Variants in FDFT1 observed in about 807,000 individuals in gnomAD.
FDFT1 encodes squalene synthase.
Under a neutral mutation model 46.8 loss-of-function variants are expected in FDFT1, and 68 were observed. That is an observed-to-expected ratio of 1.45 (90% CI 1.19 to 1.78). The LOEUF is 1.78. Among genes scored for constraint, FDFT1 ranks in the 40% most tolerant of loss-of-function variants. The pLI, the probability that FDFT1 is intolerant of heterozygous loss-of-function variation, is 0.00. For synonymous variants in FDFT1, 351 were observed against 185.1 expected, an observed-to-expected ratio of 1.90 and a Z score of -7.28; for missense variants, 928 against 524.4, an observed-to-expected ratio of 1.77 and a Z score of -7.52.
chr8:11,810,207 A>AGT (rs1400740386), intron 3 of FDFT1, among the ~76,000 whole-genome samples: 1 of 152,226 alleles, frequency 6.6e-6, no homozygotes, highest in Non-Finnish European at 1.5e-5. Context: ...CAGTATTGGA[A>AGT]GTCCAGTGTT....
intron 3 of FDFT1, among the ~76,000 whole-genome samples, chr8:11,813,593 G>C (rs1808027916): frequency 6.6e-6 from 1 of 152,192 alleles, no homozygotes; most frequent in South Asian, 2.1e-4. Flanking sequence ...CTTGTGCTGA[G>C]TCACTCGCAT....
chr8:11,808,468 A>T (rs1285384734), intron 1 of FDFT1: 49 of 1,286,738 alleles, frequency 3.8e-5, no homozygotes, highest in Non-Finnish European at 4.7e-5. Context: ...GGCGCTTCCC[A>T]GATCTGCTTG....
At chr8:11,796,254 A>AGTGACTGGACT (rs1235771199) in intron 1 of FDFT1, among the ~76,000 whole-genome samples, 1 of 152,204 alleles carries the variant, frequency 6.6e-6, no homozygotes, top group East Asian at 1.9e-4. Flanking sequence ...ATGGGGGTTA[A>AGTGACTGGACT]GTGACTGGAC....
At chr8:11,804,701 G>T (rs1280563206) in intron 1 of FDFT1, among the ~76,000 whole-genome samples, 1 of 145,840 alleles carries the variant, frequency 6.9e-6, no homozygotes, top group East Asian at 2.1e-4. Context: ...CCGCCTCCTG[G>T]GTTCAAGCAA....
rs1181685127 is a variant in FDFT1 at position 11,838,862 on chromosome 8, C to G, written c.*253C>G. 4 of 500,028 alleles carry G rather than the reference C, an allele frequency of 8.0e-6. No homozygotes were observed. The highest frequency in any genetic ancestry group is 2.1e-5 in the South Asian group (1 of 47,520). 31.0% of individuals were successfully genotyped at this position (500,028 alleles called of 1,614,324 possible). A position where few individuals can be genotyped will look rare whatever the true frequency, so the allele number is the denominator to read the frequency against. On this transcript the variant is annotated 3_prime_UTR_variant, in exon 8 of 8. Transcript: ENST00000220584. Reference sequence around the variant, plus strand: ...TGCTTGTGGCTCATGGCAGAGCATTCAGTGCCACGGTTTAGGTGAAGTCGC... The same window carrying G: ...TGCTTGTGGCTCATGGCAGAGCATTGAGTGCCACGGTTTAGGTGAAGTCGC...
rs1445457578 is a variant in FDFT1 at position 11,839,037 on chromosome 8, T to C, written c.*428T>C. On this transcript the variant is annotated 3_prime_UTR_variant, in exon 8 of 8. Coordinates refer to ENST00000220584, the MANE Select transcript of FDFT1 (RefSeq NM_004462.5). ...TGTTCGGCTCCTATTTTTCTCATCA[T>C]TTTGTTTTCTTTAATTGGGTTGAAT... The C allele has an allele frequency of 5.7e-6, 1 of 174,306 alleles. No homozygotes were observed. The highest frequency in any genetic ancestry group is 1.2e-5 in the Non-Finnish European group (1 of 80,550). The allele number at this position is 174,306 out of a possible 1,614,324, so 10.8% of individuals were successfully genotyped here.
At chr8:11,829,839 T>G (rs564680992) in intron 5 of FDFT1, among the ~76,000 whole-genome samples, 17 of 152,032 alleles carry the variant, frequency 1.1e-4, no homozygotes, top group African/African-American at 2.2e-4. Context: ...ATAGTGTTTT[T>G]TTTTGTTTTG....
At chr8:11,826,473 A>T (rs1036962479) in intron 5 of FDFT1, among the ~76,000 whole-genome samples, 1 of 152,154 alleles carries the variant, frequency 6.6e-6, no homozygotes, top group Non-Finnish European at 1.5e-5. Flanking sequence ...CAAGTGGTGG[A>T]TATGGTAACA....
At position 11,838,708 on chromosome 8, in the gene FDFT1, T is replaced by A; in HGVS notation, c.*99T>A. 1 of 956,734 alleles carries A rather than the reference T, an allele frequency of 1.0e-6. No homozygotes were observed. The highest frequency in any genetic ancestry group is 1.7e-6 in the Non-Finnish European group (1 of 603,864). The allele number at this position is 956,734 out of a possible 1,614,324, so 59.3% of individuals were successfully genotyped here. A position where few individuals can be genotyped will look rare whatever the true frequency, so the allele number is the denominator to read the frequency against. Reference sequence around the variant, plus strand: ...TCTCTTTATTTTTTTCCTACTACTTTAATCCCTAAAAGAACGCTGTGTGGC... The same window carrying A: ...TCTCTTTATTTTTTTCCTACTACTTAAATCCCTAAAAGAACGCTGTGTGGC... On this transcript the variant is annotated 3_prime_UTR_variant, in exon 8 of 8. Coordinates refer to ENST00000220584, the MANE Select transcript of FDFT1 (RefSeq NM_004462.5).
At chr8:11,833,877 A>G (rs983185317) in intron 7 of FDFT1, among the ~76,000 whole-genome samples, 4 of 152,272 alleles carry the variant, frequency 2.6e-5, no homozygotes, top group East Asian at 3.8e-4. Flanking sequence ...AAATGTTAAT[A>G]TTAATACTTA....
chr8:11,802,440 C>T (rs1480414293), upstream of FDFT1: 2 of 460,594 alleles, frequency 4.3e-6, no homozygotes, highest in South Asian at 1.5e-5. Flanking sequence ...CCACAGCGTT[C>T]GCGCTCCCAG....
chr8:11,825,724 C>T (rs1809878107), intron 4 of FDFT1, among the ~76,000 whole-genome samples: 1 of 151,540 alleles, frequency 6.6e-6, no homozygotes, highest in Non-Finnish European at 1.5e-5. Flanking sequence ...AAAATGTTTA[C>T]TAGTTTTTTT....
At chr8:11,804,400 G>C (rs1806539083) in intron 1 of FDFT1, among the ~76,000 whole-genome samples, 2 of 152,058 alleles carry the variant, frequency 1.3e-5, no homozygotes, top group South Asian at 2.1e-4. Context: ...TACTGTTTTT[G>C]TACATTTTGA....
intron 7 of FDFT1, among the ~76,000 whole-genome samples, chr8:11,836,276 C>G (rs189291828): frequency 2.0e-5 from 3 of 152,288 alleles, no homozygotes; most frequent in African/African-American, 7.2e-5. Context: ...AGGTCATTTA[C>G]AAGAGTAGTG....
chr8:11,808,152 C>T (rs1032575), intron 1 of FDFT1: 336,685 of 595,996 alleles, frequency 0.56, 97,132 homozygotes, highest in East Asian at 0.7. Context: ...CTTGGTAAAA[C>T]TGGGCGATGC....
chr8:11,808,126 T>A (rs1807106574), intron 1 of FDFT1: 1 of 422,906 alleles, frequency 2.4e-6, no homozygotes, highest in Non-Finnish European at 3.2e-6. Flanking sequence ...TCTGGTCAAA[T>A]CAATTTAGCA....
intron 2 of FDFT1, chr8:11,809,143 T>C (rs972143679): frequency 2.3e-6 from 3 of 1,308,924 alleles, no homozygotes; most frequent in Admixed American, 3.6e-5. Flanking sequence ...CTTTTTTTAG[T>C]CTTGGCAGCT....
upstream of FDFT1, chr8:11,802,061 C>CTT (rs949098234): frequency 2.2e-6 from 1 of 455,774 alleles, no homozygotes; most frequent in Admixed American, 2.3e-5. Flanking sequence ...TACAGGCTCT[C>CTT]TAAGGCTTCA....
chr8:11,813,376 A>T lies in FDFT1; in HGVS notation c.381+3526A>T, dbSNP rs79979368. On this transcript the variant is annotated intron_variant, in intron 3 of 7. Transcript: ENST00000220584. ...AGCATTTTACTATGAGTTACTTACT[A>T]AATATATTTCATCGTTAATTTACTC... Among the ~76,000 whole-genome samples the T allele has an allele frequency of 4.6e-5, 7 of 152,324 alleles. 1 individual carries two copies. In the South Asian group the frequency reaches 1.4e-3, roughly 32 times the overall value.
Sources: gnomAD v4.1 joint callset for allele counts (sites outside exome capture counted in the v4.1 genomes callset) on GRCh38, gnomAD v4.1.1 for gene constraint, MANE v1.5 for transcripts, NCBI Gene and HGNC (gene_info 2026-07-23, HGNC 2026-07-21) for gene names.